ADAMTS15: variants seen among roughly 807,000 people sequenced by gnomAD.
ADAMTS15 encodes the protein ADAM metallopeptidase with thrombospondin type 1 motif 15.
In ADAMTS15, 35 loss-of-function variants were observed where a neutral mutation model predicts 79.1. The ratio of observed to expected loss-of-function variants is 0.44; its 90% CI spans 0.34 to 0.59. The LOEUF (loss-of-function observed/expected upper bound fraction) is 0.59. ADAMTS15 is among the 20% of genes least tolerant of loss of function. The pLI is 0.02. For synonymous variants in ADAMTS15, 616 were observed against 567.3 expected (o/e 1.09, Z -1.22); for missense variants, 1,324 against 1,318.7 (o/e 1.00, Z -0.06).
At chr11:130,450,273 C>G in intron 1 of ADAMTS15, 1 of 985,448 alleles carries the variant, frequency 1.0e-6, no homozygotes, top group South Asian at 4.7e-5. Context: ...TAGGAGACGC[C>G]GTGAGGATGG....
chr11:130,471,381 C>T lies in ADAMTS15; in HGVS notation c.2076C>T (p.Pro692=), dbSNP rs1291548745. Residue 692 remains proline, a splice_region_variant and synonymous_variant, in exon 7 of 8, where the codon CCC becomes CCT. Transcript: ENST00000299164. ...CKKVTGLFTK[P]MHGYNFVVAI... is the part of the protein sequence containing the mutation. ...AGGTGACTGGACTCTTCACCAAGCCCATGTGAGTTCTGGGCCCTGAAGGTC... is the reference window on the plus strand; with the variant it reads ...AGGTGACTGGACTCTTCACCAAGCCTATGTGAGTTCTGGGCCCTGAAGGTC... 1 of 1,606,956 alleles carries T rather than the reference C, an allele frequency of 6.2e-7. No homozygotes were observed. The highest frequency in any genetic ancestry group is 8.5e-7 in the Non-Finnish European group (1 of 1,178,400).
intron 5 of ADAMTS15, among the ~76,000 whole-genome samples, chr11:130,469,891 T>C (rs1430934719): frequency 6.6e-6 from 1 of 151,942 alleles, no homozygotes; most frequent in African/African-American, 2.4e-5. Flanking sequence ...TTAGTATTTC[T>C]TTCAGGGAGA....
At chr11:130,458,116 G>A (rs1023566088) in intron 1 of ADAMTS15, among the ~76,000 whole-genome samples, 9 of 152,226 alleles carry the variant, frequency 5.9e-5, no homozygotes, top group African/African-American at 1.4e-4. Context: ...GCTTTTGGCC[G>A]TAAGGACTTC....
intron 1 of ADAMTS15, among the ~76,000 whole-genome samples, chr11:130,452,835 G>T (rs1375848312): frequency 6.6e-6 from 1 of 152,152 alleles, no homozygotes; most frequent in African/African-American, 2.4e-5. Flanking sequence ...ACAAAAATTA[G>T]CTGGGCGTGG....
intron 5 of ADAMTS15, among the ~76,000 whole-genome samples, chr11:130,470,166 A>ATATACGTATATATG (rs1938408626): frequency 1.7e-5 from 1 of 57,606 alleles, no homozygotes; most frequent in African/African-American, 1.0e-4. Context: ...ATATATATAT[A>ATATACGTATATATG]TATATATATA....
At position 130,462,338 on chromosome 11, in the gene ADAMTS15, T is replaced by C; in HGVS notation, c.1258+84T>C. ...CCTGGTGGAGGTGCTCACTTCTCCG[T>C]CCTCTGTACATTAGGTGTGTGTGCC... On this transcript the variant is annotated intron_variant, in intron 3 of 7. Coordinates refer to ENST00000299164, the MANE Select transcript of ADAMTS15 (RefSeq NM_139055.4). This position sits in a 1 kb window ranked among gnomAD's most constrained non-coding sequence, Gnocchi z 4.3. The C allele has an allele frequency of 1.3e-6, 2 of 1,515,174 alleles. No individual in the cohort carries two copies. Among genetic ancestry groups the C allele is most frequent in the Non-Finnish European group, 1.8e-6 (2 of 1,127,946 alleles). The allele number at this position is 1,515,174 out of a possible 1,614,324, so 93.9% of individuals were successfully genotyped here. A position where few individuals can be genotyped will look rare whatever the true frequency, so the allele number is the denominator to read the frequency against.
Position 130,448,936 on chromosome 11 carries a change from GC to G in ADAMTS15, c.-34del. 6.9e-7 allele frequency: 1 copy of G among 1,458,012 alleles called. No homozygotes were observed. The highest frequency in any genetic ancestry group is 1.6e-5 in the South Asian group (1 of 64,376). The allele number at this position is 1,458,012 out of a possible 1,614,324, so 90.3% of individuals were successfully genotyped here. On this transcript the variant is annotated 5_prime_UTR_variant, in exon 1 of 8. Transcript: ENST00000299164. The stretch of plus-strand genomic sequence containing the variant: ...GGCAGCGGCCGGAGAGCCCGGCCCA[GC>G]CCCTTCCCACAGCGCGGCGGTGCGC...
Position 130,449,519 on chromosome 11 carries a change from C to T in ADAMTS15, c.546C>T (p.Pro182=), listed in dbSNP as rs369900757. The T allele has an allele frequency of 1.9e-6, 3 of 1,558,072 alleles. No individual in the cohort carries two copies. Among genetic ancestry groups the T allele is most frequent in the Non-Finnish European group, 2.6e-6 (3 of 1,152,976 alleles). The change falls in exon 1 of 8, where the codon CCC becomes CCT. Residue 182 remains proline (P), a synonymous_variant. Transcript: ENST00000299164. This position sits in a 1 kb window ranked among gnomAD's most constrained non-coding sequence, Gnocchi z 7.8. The part of the protein sequence containing the change: ...SRCGVASGWN[P]AILRALDPYK... ...GCGGGGTGGCCTCGGGCTGGAACCC[C>T]GCCATCCTACGGGCCCTGGACCCTT...
chr11:130,466,996 G>A (rs962230390), intron 4 of ADAMTS15, among the ~76,000 whole-genome samples: 1 of 152,118 alleles, frequency 6.6e-6, no homozygotes, highest in South Asian at 2.1e-4. Flanking sequence ...CTGTGTTCAC[G>A]GATTCATTTT....
At chr11:130,464,400 T>C (rs1938261516) in intron 4 of ADAMTS15, among the ~76,000 whole-genome samples, 1 of 152,170 alleles carries the variant, frequency 6.6e-6, no homozygotes, top group African/African-American at 2.4e-5. Context: ...GTCATTGCCC[T>C]CACTGGCTGA....
chr11:130,458,520 C>A (rs1399986716), intron 1 of ADAMTS15, among the ~76,000 whole-genome samples: 2 of 152,150 alleles, frequency 1.3e-5, no homozygotes, highest in Non-Finnish European at 2.9e-5. Flanking sequence ...CTGTGGGTTC[C>A]CTTTATAACC....
intron 4 of ADAMTS15, among the ~76,000 whole-genome samples, chr11:130,463,915 A>T (rs1938252844): frequency 6.6e-6 from 1 of 152,204 alleles, no homozygotes; most frequent in Admixed American, 6.5e-5. Flanking sequence ...AACCAGGGTC[A>T]AGAGATTAAT....
At chr11:130,454,520 T>C (rs1938034714) in intron 1 of ADAMTS15, among the ~76,000 whole-genome samples, 1 of 152,214 alleles carries the variant, frequency 6.6e-6, no homozygotes, top group South Asian at 2.1e-4. Flanking sequence ...GTTACACATA[T>C]CTCCCTATAC....
chr11:130,450,072 G>A, intron 1 of ADAMTS15, 142 bp downstream of exon 1: 5 of 1,463,892 alleles, frequency 3.4e-6, no homozygotes, highest in Non-Finnish European at 4.5e-6. Flanking sequence ...ACTCTGTGGA[G>A]TTTCCAGGGA....
chr11:130,469,241 A>C, intron 4 of ADAMTS15, 21 bp from the exon 5 acceptor site: 2 of 1,380,670 alleles, frequency 1.4e-6, no homozygotes, highest in Non-Finnish European at 1.9e-6. Flanking sequence ...ACCAAGGAAT[A>C]TAACAGGCTC....
chr11:130,463,734 T>A (rs1938249707), intron 4 of ADAMTS15, among the ~76,000 whole-genome samples: 1 of 152,220 alleles, frequency 6.6e-6, no homozygotes, highest in Non-Finnish European at 1.5e-5. Context: ...AAACCCACTG[T>A]GTTCAGGGAA....
intron 1 of ADAMTS15, among the ~76,000 whole-genome samples, chr11:130,454,803 G>T (rs1329883861): frequency 6.6e-6 from 1 of 152,172 alleles, no homozygotes; most frequent in East Asian, 1.9e-4. Flanking sequence ...GTCAGCAGAT[G>T]GGGGAGGAAG....
At chr11:130,453,641 GATCTTGAACTCCTGGCCTCAAGAGAT>G (rs1182240849) in intron 1 of ADAMTS15, among the ~76,000 whole-genome samples, 4 of 152,062 alleles carry the variant, frequency 2.6e-5, no homozygotes, top group Non-Finnish European at 5.9e-5. Flanking sequence ...TAACCAGGCT[GATCTTGAACTCCTGGCCTCAAGAGAT>G]CCTCCTGCCT....
At chr11:130,456,769 G>T (rs74381175) in intron 1 of ADAMTS15, among the ~76,000 whole-genome samples, 4,779 of 152,200 alleles carry the variant, frequency 0.031, 146 homozygotes, top group East Asian at 0.096. Flanking sequence ...AAGTCACTGA[G>T]CCTCAGTTTC....
Sources: allele counts gnomAD v4.1 joint callset (sites outside exome capture counted in the v4.1 genomes callset), GRCh38; gene constraint gnomAD v4.1.1; non-coding constraint Gnocchi (gnomAD v3.1); transcripts MANE v1.5; gene names NCBI Gene and HGNC (gene_info 2026-07-23, HGNC 2026-07-21).